GULP1: variants seen among roughly 807,000 people sequenced by gnomAD.
GULP1 encodes the protein PTB domain-containing engulfment adapter protein 1.
Under a neutral mutation model 40.9 loss-of-function variants are expected in GULP1, and 19 were observed. The ratio of observed to expected loss-of-function variants is 0.46; its 90% CI spans 0.32 to 0.68. GULP1 has a LOEUF of 0.68. GULP1 is among the 30% of genes least tolerant of loss of function. GULP1 has a pLI of 0.03. For missense variants in GULP1, 312 were observed against 362.2 expected, an observed-to-expected ratio of 0.86 and a Z score of 1.12; for synonymous variants, 119 against 117.6, an observed-to-expected ratio of 1.01 and a Z score of -0.08.
chr2:188,396,355 G>A (rs146632563), intron 2 of GULP1, among the ~76,000 whole-genome samples: 29 of 152,328 alleles, frequency 1.9e-4, no homozygotes, highest in African/African-American at 7.0e-4. Flanking sequence ...TCCTGTGAGG[G>A]CCCAGGGGCG....
chr2:188,554,466 T>C (rs1694252976), intron 7 of GULP1, among the ~76,000 whole-genome samples: 1 of 151,892 alleles, frequency 6.6e-6, no homozygotes, highest in Non-Finnish European at 1.5e-5. Context: ...TTCTTATTAG[T>C]ATTGATTTAT....
intron 2 of GULP1, among the ~76,000 whole-genome samples, chr2:188,418,810 C>T (rs541269457): frequency 1.3e-5 from 2 of 152,276 alleles, no homozygotes; most frequent in South Asian, 2.1e-4. Flanking sequence ...CAATGTTGTA[C>T]AGCAGATATC....
rs952787810 is a variant in GULP1 at position 188,433,073 on chromosome 2, G to C, written c.-44-44586G>C. On this transcript the variant is annotated intron_variant, in intron 2 of 11. Transcript: ENST00000409830. ...AAAGCAGGCAGAAAAAGAAAACAGA[G>C]AAACAGATAACTTAGCTTTGAAGAC... Among the ~76,000 whole-genome samples the C allele has an allele frequency of 2.5e-4, 38 of 152,096 alleles. 1 individual carries two copies. The highest frequency in any genetic ancestry group is 9.7e-5 in the African/African-American group (4 of 41,418).
At chr2:188,576,147 T>C (rs1700133603) in intron 9 of GULP1, among the ~76,000 whole-genome samples, 1 of 152,098 alleles carries the variant, frequency 6.6e-6, no homozygotes, top group Admixed American at 6.6e-5. Context: ...GCCTACGTTA[T>C]TTCTGCCAAC....
chr2:188,364,401 A>G (rs915137306), intron 1 of GULP1, among the ~76,000 whole-genome samples: 1 of 152,178 alleles, frequency 6.6e-6, no homozygotes, highest in East Asian at 1.9e-4. Context: ...TACCACGCTC[A>G]TGGTAGTAGG....
intron 2 of GULP1, among the ~76,000 whole-genome samples, chr2:188,448,984 G>A (rs932302067): frequency 6.6e-6 from 1 of 152,098 alleles, no homozygotes; most frequent in African/African-American, 2.4e-5. Context: ...TGCTTGGACA[G>A]CCTGCAGAAC....
In GULP1 at chr2:188,303,391, A is replaced by G. The variant is rs2036485495; in HGVS notation, c.-172+11225A>G. ...GTGGAGGCAAGCAGAACTAGGACTA[A>G]CCTAACCTGCTGAAAGAATAGGCAA... On this transcript the variant is annotated intron_variant, in intron 1 of 11. Coordinates refer to ENST00000409830, the MANE Select transcript of GULP1 (RefSeq NM_016315.4). Among the ~76,000 whole-genome samples, 3 of 152,174 alleles carry G rather than the reference A, an allele frequency of 2.0e-5. No individual in the cohort carries two copies. The South Asian group carries it at 6.2e-4, about 31-fold the overall frequency.
rs555996307 is a variant in GULP1, at chr2:188,304,890, G to T, written c.-172+12724G>T. 2.0e-4 allele frequency among the ~76,000 whole-genome samples: 30 copies of T among 152,282 alleles called. No homozygotes were observed. In the South Asian group the frequency reaches 6.0e-3, roughly 30 times the overall value. On this transcript the variant is annotated intron_variant, in intron 1 of 11. Transcript: ENST00000409830. ...AACAACCAGCACAGATGACTTCTGT[G>T]ACCAAATATATGGGTTTTTTTCCCC...
chr2:188,387,867 T>G (rs1053957565), intron 2 of GULP1, among the ~76,000 whole-genome samples: 9 of 149,890 alleles, frequency 6.0e-5, no homozygotes, highest in African/African-American at 2.2e-4. Context: ...CTTTAAGAAG[T>G]TTTTTTTTTA....
At chr2:188,395,845 T>C (rs2051176824) in intron 2 of GULP1, among the ~76,000 whole-genome samples, 1 of 152,156 alleles carries the variant, frequency 6.6e-6, no homozygotes, top group Admixed American at 6.5e-5. Context: ...CAGGTACTAG[T>C]GCCAGCTCTG....
At chr2:188,504,632 A>G (rs2063737257) in intron 4 of GULP1, among the ~76,000 whole-genome samples, 1 of 151,900 alleles carries the variant, frequency 6.6e-6, no homozygotes, top group Non-Finnish European at 1.5e-5. Flanking sequence ...TTTCATATTC[A>G]TAGCTATTGT....
At chr2:188,296,880 A>T (rs1353485226) in intron 1 of GULP1, among the ~76,000 whole-genome samples, 1 of 151,772 alleles carries the variant, frequency 6.6e-6, no homozygotes, top group Non-Finnish European at 1.5e-5. Context: ...GACCTTAGAA[A>T]CTTCCATATT....
chr2:188,376,941 A>C (rs1177447253), intron 1 of GULP1, among the ~76,000 whole-genome samples: 1 of 152,198 alleles, frequency 6.6e-6, no homozygotes, highest in East Asian at 1.9e-4. Flanking sequence ...TTGGAAGTTG[A>C]GGCTGACAGA....
intron 2 of GULP1, among the ~76,000 whole-genome samples, chr2:188,446,018 T>A (rs2058354158): frequency 6.6e-6 from 1 of 152,170 alleles, no homozygotes; most frequent in Middle Eastern, 3.2e-3. Context: ...CAGCCATTCC[T>A]CTAGCCTTTC....
At chr2:188,376,124 A>G (rs1051753534) in intron 1 of GULP1, among the ~76,000 whole-genome samples, 1 of 152,202 alleles carries the variant, frequency 6.6e-6, no homozygotes, top group African/African-American at 2.4e-5. Context: ...GGACCGACCC[A>G]TGCAGTCCAA....
chr2:188,491,165 T>G (rs932007839), intron 4 of GULP1, among the ~76,000 whole-genome samples: 14 of 151,874 alleles, frequency 9.2e-5, no homozygotes, highest in African/African-American at 3.4e-4. Flanking sequence ...ACTGATTTGG[T>G]CTCAAAAGGG....
chr2:188,395,896 A>C (rs989354839), intron 2 of GULP1, among the ~76,000 whole-genome samples: 2 of 152,092 alleles, frequency 1.3e-5, no homozygotes, highest in African/African-American at 4.8e-5. Context: ...TGTGAGATTT[A>C]TTGATTATAA....
chr2:188,439,729 G>A (rs947073568), intron 2 of GULP1, among the ~76,000 whole-genome samples: 8 of 152,110 alleles, frequency 5.3e-5, no homozygotes, highest in South Asian at 2.1e-4. Context: ...TGGGGAGGAC[G>A]CCTTAATTTT....
intron 2 of GULP1, among the ~76,000 whole-genome samples, chr2:188,396,811 G>T (rs35061764): frequency 6.6e-6 from 1 of 152,180 alleles, no homozygotes; most frequent in South Asian, 2.1e-4. Context: ...AGGCTTCCAC[G>T]AAATTTCCTG....
Sources: allele counts gnomAD v4.1 joint callset (sites outside exome capture counted in the v4.1 genomes callset), GRCh38; gene constraint gnomAD v4.1.1; transcripts MANE v1.5; gene names NCBI Gene and HGNC (gene_info 2026-07-23, HGNC 2026-07-21).